The following FLT1 variants were observed in gnomAD, a reference collection of about 807,000 sequenced individuals.
The protein encoded by FLT1 is vascular endothelial growth factor receptor 1.
Under a neutral mutation model 156.3 loss-of-function variants are expected in FLT1, and 49 were observed. The ratio of observed to expected loss-of-function variants is 0.31; its 90% CI spans 0.25 to 0.40. The LOEUF (loss-of-function observed/expected upper bound fraction) is 0.40, where lower values mean the gene tolerates loss of function less well. FLT1 is among the 10% of genes least tolerant of loss of function. FLT1 has a pLI of 1.00. For missense variants in FLT1, 1,322 were observed against 1,637.2 expected (o/e 0.81, Z 3.32); for synonymous variants, 594 against 583.8 (o/e 1.02, Z -0.25).
At chr13:28,382,770 A>C (rs1874132070) in intron 14 of FLT1, among the ~76,000 whole-genome samples, 1 of 152,208 alleles carries the variant, frequency 6.6e-6, no homozygotes, top group South Asian at 2.1e-4. Flanking sequence ...ATCACCTTCT[A>C]GTTTGGATGA....
rs972643971 is a variant in FLT1, at chr13:28,466,906, T to C, written c.385A>G (p.Ser129Gly). The change falls in exon 3 of 30, where the codon AGT becomes GGT. Residue 129 changes from serine (S) to glycine (G), a missense_variant. This residue lies in a region of FLT1 where 991 missense variants were observed against 1,254.8 expected (regional missense o/e 0.79). Coordinates refer to ENST00000282397, the MANE Select transcript of FLT1 (RefSeq NM_002019.4). ...ATGTAGAAAATGGAAGTCTTACCAC[T>C]AATAAATATATAGATTGCAGATTCT... Reference protein sequence around the residue: ...ETESAIYIFISDTGRPFVEMY... With the variant: ...ETESAIYIFIGDTGRPFVEMY... 1.9e-6 allele frequency: 3 copies of C among 1,594,394 alleles called. No individual in the cohort carries two copies. The highest frequency in any genetic ancestry group is 2.6e-6 in the Non-Finnish European group (3 of 1,161,974).
At chr13:28,412,380 C>CTT (rs1566013115) in intron 10 of FLT1, among the ~76,000 whole-genome samples, 3 of 117,894 alleles carry the variant, frequency 2.5e-5, no homozygotes, top group Non-Finnish European at 5.6e-5. Flanking sequence ...TTCTTTCTTT[C>CTT]TTTCTTTCTT....
rs2137611323 is a variant in FLT1, at chr13:28,462,051, T to C, written c.388+4852A>G. Among the ~76,000 whole-genome samples the C allele has an allele frequency of 1.3e-5, 2 of 152,324 alleles. 1 individual carries two copies. The highest frequency in any genetic ancestry group is 4.1e-4 in the South Asian group (2 of 4,828). On this transcript the variant is annotated intron_variant, in intron 3 of 29. Coordinates refer to ENST00000282397, the MANE Select transcript of FLT1 (RefSeq NM_002019.4). ...GCCCCATCATTTTGCTTTTCGATTG[T>C]AATTTTTCAAGAGGAGATATTATAT...
Position 28,303,003 on chromosome 13 carries a change from G to A in FLT1, c.*164C>T, listed in dbSNP as rs1335639998. On this transcript the variant is annotated 3_prime_UTR_variant, in exon 30 of 30. Transcript: ENST00000282397. ...TTTCTCTATCTGGAGTTACATTCTT[G>A]TTAGTCAAAAAAAAAAAAGCACTAT... 1 of 610,118 alleles carries A rather than the reference G, an allele frequency of 1.6e-6. No homozygotes were observed. The highest frequency in any genetic ancestry group is 2.1e-5 in the African/African-American group (1 of 46,978). 37.8% of individuals were successfully genotyped at this position (610,118 alleles called of 1,614,324 possible).
intron 12 of FLT1, among the ~76,000 whole-genome samples, chr13:28,394,413 T>C (rs2137467974): frequency 6.6e-6 from 1 of 152,234 alleles, no homozygotes; most frequent in South Asian, 2.1e-4. Context: ...GGTTATACAT[T>C]GTACAATATG....
intron 14 of FLT1, among the ~76,000 whole-genome samples, chr13:28,358,628 AAC>A (rs1872995058): frequency 6.6e-6 from 1 of 152,210 alleles, no homozygotes; most frequent in African/African-American, 2.4e-5. Context: ...CGTGTTACAA[AAC>A]AAACAGCAGG....
intron 14 of FLT1, among the ~76,000 whole-genome samples, chr13:28,377,504 G>A (rs1873891460): frequency 1.3e-5 from 2 of 150,598 alleles, no homozygotes; most frequent in Non-Finnish European, 3.0e-5. Context: ...TAGCGAATAA[G>A]GCAGGACACA....
In FLT1 at chr13:28,412,381, T is replaced by TTTCTTTCCTTCC. The variant is rs1555236530; in HGVS notation, c.1437-6488_1437-6487insGGAAGGAAAGAA. ...CTTTCTTTCTTTCTTTCTTTCTTTC[T>TTTCTTTCCTTCC]TTCTTTCTTTCTTTCTTTCTTTCTT... On this transcript the variant is annotated intron_variant, in intron 10 of 29. Coordinates refer to ENST00000282397, the MANE Select transcript of FLT1 (RefSeq NM_002019.4). Among the ~76,000 whole-genome samples the TTTCTTTCCTTCC allele has an allele frequency of 2.6e-3, 229 of 88,292 alleles. 3 individuals carry two copies. The highest frequency in any genetic ancestry group is 7.8e-3 in the African/African-American group (206 of 26,534). The allele number at this position is 88,292 out of a possible 152,430, so 57.9% of individuals were successfully genotyped here.
intron 1 of FLT1, among the ~76,000 whole-genome samples, chr13:28,490,645 C>T (rs920915291): frequency 3.3e-5 from 5 of 152,158 alleles, no homozygotes; most frequent in Non-Finnish European, 7.3e-5. Flanking sequence ...TTACAAGCCT[C>T]TCCTATAAAC....
chr13:28,352,487 A>G (rs1297469972), intron 15 of FLT1, among the ~76,000 whole-genome samples: 2 of 152,196 alleles, frequency 1.3e-5, no homozygotes, highest in Non-Finnish European at 2.9e-5. Flanking sequence ...ATTAAGATGA[A>G]TATCTTTTGA....
chr13:28,343,386 C>T (rs193071044), intron 16 of FLT1, among the ~76,000 whole-genome samples: 10 of 151,996 alleles, frequency 6.6e-5, no homozygotes, highest in South Asian at 4.2e-4. Flanking sequence ...CTGCAACCTC[C>T]GCCCCCGGGT....
chr13:28,308,967 G>C (rs767248226), intron 27 of FLT1, 40 bp from the exon 28 acceptor site: 1 of 1,251,580 alleles, frequency 8.0e-7, no homozygotes, highest in South Asian at 1.2e-5. Context: ...ACAGGAAAAG[G>C]CATCCAGCTC....
chr13:28,344,813 TTTTTTTTTTTG>T (rs1872503112), intron 16 of FLT1, among the ~76,000 whole-genome samples: 1 of 138,100 alleles, frequency 7.2e-6, no homozygotes, highest in African/African-American at 2.8e-5. Flanking sequence ...TTTTTTTTTT[TTTTTTTTTTTG>T]AGACAGGGTC....
intron 11 of FLT1, chr13:28,399,076 A>G: frequency 6.4e-7 from 1 of 1,551,328 alleles, no homozygotes; most frequent in South Asian, 1.2e-5. Context: ...TTGGAAGAGA[A>G]GCTTGTAGGT....
chr13:28,350,044 A>G (rs1872691881), intron 15 of FLT1, among the ~76,000 whole-genome samples: 1 of 152,222 alleles, frequency 6.6e-6, no homozygotes, highest in African/African-American at 2.4e-5. Context: ...CTCAGCAGTC[A>G]AACACACTGG....
At chr13:28,310,812 G>A (rs1275591935) in intron 27 of FLT1, among the ~76,000 whole-genome samples, 2 of 152,156 alleles carry the variant, frequency 1.3e-5, no homozygotes, top group Admixed American at 6.5e-5. Flanking sequence ...AGAAAAGATG[G>A]GGGAAGGTTC....
At position 28,322,485 on chromosome 13, in the gene FLT1, A is replaced by G; in HGVS notation, c.2954-126T>C. On this transcript the variant is annotated intron_variant, in intron 21 of 29. Transcript: ENST00000282397. The surrounding 1 kb of genome is among the most constrained non-coding windows in gnomAD (Gnocchi z 4.3). ...AAGTAGATCAGAGTTCATTTTTAAG[A>G]GTATTTGAGTTTCAACATGAACACC... 1 of 763,180 alleles carries G rather than the reference A, an allele frequency of 1.3e-6. No homozygotes were observed. 47.3% of individuals were successfully genotyped at this position (763,180 alleles called of 1,614,324 possible). A position where few individuals can be genotyped will look rare whatever the true frequency, so the allele number is the denominator to read the frequency against.
intron 13 of FLT1, chr13:28,386,622 G>A (rs1874381123): frequency 9.5e-7 from 1 of 1,056,014 alleles, no homozygotes; most frequent in African/African-American, 1.6e-5. Flanking sequence ...TTTTTGCATT[G>A]GATGCTATCT....
At chr13:28,466,278 T>C (rs537390804) in intron 3 of FLT1, among the ~76,000 whole-genome samples, 61 of 152,344 alleles carry the variant, frequency 4.0e-4, no homozygotes, top group African/African-American at 1.4e-3. Context: ...ATAAAAATTA[T>C]GAATGAATGA....
Sources: gnomAD v4.1 joint callset for allele counts (sites outside exome capture counted in the v4.1 genomes callset) on GRCh38, gnomAD v4.1.1 for gene constraint, gnomAD v4.1.1 regional missense constraint, Gnocchi (gnomAD v3.1) non-coding constraint, MANE v1.5 for transcripts, NCBI Gene and HGNC (gene_info 2026-07-23, HGNC 2026-07-21) for gene names.